The following NUP160 variants were observed in gnomAD, a reference collection of about 807,000 sequenced individuals.
The protein encoded by NUP160 is nuclear pore complex protein Nup160.
Under a neutral mutation model 196.9 loss-of-function variants are expected in NUP160, and 94 were observed. That is an observed-to-expected ratio of 0.48 (90% CI 0.40 to 0.57). The LOEUF is 0.57. NUP160 is among the 20% of genes least tolerant of loss of function. The pLI, the probability that NUP160 is intolerant of heterozygous loss-of-function variation, is 0.00. For missense variants in NUP160, 1,638 were observed against 1,748.3 expected, an observed-to-expected ratio of 0.94 and a Z score of 1.13; for synonymous variants, 605 against 619.7, an observed-to-expected ratio of 0.98 and a Z score of 0.35.
intron 22 of NUP160, among the ~76,000 whole-genome samples, chr11:47,803,235 C>A (rs1294618197): frequency 1.3e-5 from 2 of 151,342 alleles, no homozygotes; most frequent in Admixed American, 1.3e-4. Context: ...TTCTTATGTT[C>A]CTGAGTCCTA....
Position 47,812,054 on chromosome 11 carries a change from C to T in NUP160, c.2241+10G>A. 1 of 1,613,356 alleles carries T rather than the reference C, an allele frequency of 6.2e-7. No homozygotes were observed. Among genetic ancestry groups the T allele is most frequent in the Non-Finnish European group, 8.5e-7 (1 of 1,179,646 alleles). On this transcript the variant is annotated intron_variant, in intron 17 of 35. Transcript: ENST00000378460. ...TAGATTTTACAAGTTTTCCCTCAAG[C>T]AGTACTTACAGCATCTCCAAGCCTC...
At chr11:47,843,952 G>A (rs1225895054) in intron 2 of NUP160, among the ~76,000 whole-genome samples, 1 of 152,056 alleles carries the variant, frequency 6.6e-6, no homozygotes, top group East Asian at 1.9e-4. Context: ...AGAACTCCTG[G>A]ACTCACTGAA....
chr11:47,822,780 T>C (rs1416140303), intron 7 of NUP160, among the ~76,000 whole-genome samples: 1 of 152,178 alleles, frequency 6.6e-6, no homozygotes, highest in Non-Finnish European at 1.5e-5. Flanking sequence ...CCAAGTGTTC[T>C]CATTGTTCAA....
chr11:47,836,918 T>C (rs756148922), exon 6 of NUP160: 5 of 1,612,732 alleles, frequency 3.1e-6, no homozygotes, highest in South Asian at 2.2e-5. Flanking sequence ...TTTATGATCC[T>C]GACACAAAGC....
At chr11:47,784,018 A>C (rs2097663048) in intron 33 of NUP160, among the ~76,000 whole-genome samples, 1 of 150,280 alleles carries the variant, frequency 6.7e-6, no homozygotes, top group Admixed American at 6.7e-5. Flanking sequence ...AAAAAAAAAC[A>C]AAAACAAAAA....
intron 25 of NUP160, 46 bp from the exon 26 acceptor site, chr11:47,798,120 T>G: frequency 1.3e-6 from 2 of 1,546,448 alleles, no homozygotes. Flanking sequence ...CTTAGTAGGT[T>G]AAACAGAGTT....
intron 31 of NUP160, among the ~76,000 whole-genome samples, chr11:47,787,396 C>G (rs1599305285): frequency 6.8e-6 from 1 of 147,066 alleles, no homozygotes; most frequent in African/African-American, 2.5e-5. Flanking sequence ...CTGAAAAATT[C>G]TGAAAGTTCA....
intron 27 of NUP160, chr11:47,796,445 A>G (rs1473946922): frequency 6.6e-6 from 2 of 304,244 alleles, no homozygotes; most frequent in Non-Finnish European, 1.2e-5. Flanking sequence ...GATGTCTTTA[A>G]CTTCCTCCCA....
chr11:47,803,831 T>C (rs2097675861), intron 21 of NUP160, among the ~76,000 whole-genome samples: 1 of 152,132 alleles, frequency 6.6e-6, no homozygotes, highest in Non-Finnish European at 1.5e-5. Context: ...AGGATTTATA[T>C]GAAAACAATA....
intron 7 of NUP160, among the ~76,000 whole-genome samples, chr11:47,830,691 C>T (rs1019000997): frequency 2.0e-5 from 3 of 152,062 alleles, no homozygotes; most frequent in African/African-American, 7.2e-5. Flanking sequence ...AAACAACAAA[C>T]ATTAGGGTCT....
At chr11:47,813,141 A>C (rs1217873437) in intron 14 of NUP160, 94 bp from the exon 15 acceptor site, 2 of 1,062,544 alleles carry the variant, frequency 1.9e-6, no homozygotes, top group Non-Finnish European at 2.7e-6. Flanking sequence ...AATGACAAGA[A>C]ATCTATCTGA....
At chr11:47,827,141 T>G (rs1851984543) in intron 7 of NUP160, 1 of 455,882 alleles carries the variant, frequency 2.2e-6, no homozygotes, top group Non-Finnish European at 4.4e-6. Flanking sequence ...CCGAGGTGGG[T>G]GGACTGCTTG....
intron 11 of NUP160, among the ~76,000 whole-genome samples, chr11:47,817,316 T>C (rs1256253429): frequency 6.6e-6 from 1 of 151,802 alleles, no homozygotes; most frequent in Non-Finnish European, 1.5e-5. Context: ...TGGGCTTCTC[T>C]TATACAATGA....
At chr11:47,817,018 C>T (rs1430945799) in intron 11 of NUP160, among the ~76,000 whole-genome samples, 2 of 150,984 alleles carry the variant, frequency 1.3e-5, no homozygotes, top group African/African-American at 2.4e-5. Flanking sequence ...CTCTGTTTCC[C>T]AGGCTGGAAT....
intron 7 of NUP160, among the ~76,000 whole-genome samples, chr11:47,825,057 G>A (rs1045986996): frequency 8.6e-5 from 13 of 151,972 alleles, no homozygotes; most frequent in South Asian, 4.1e-4. Flanking sequence ...GGATAGTCTC[G>A]ATCTTCTGAC....
chr11:47,840,159 A>G (rs2135402641), intron 3 of NUP160, 94 bp from the exon 4 acceptor site: 1 of 975,252 alleles, frequency 1.0e-6, no homozygotes, highest in East Asian at 2.6e-5. Flanking sequence ...TTAAAGTAAA[A>G]AACTGTCAAG....
chr11:47,815,240 A>T, intron 13 of NUP160: 1 of 332,348 alleles, frequency 3.0e-6, no homozygotes, highest in Non-Finnish European at 5.4e-6. Context: ...AAAAAGAAAA[A>T]GAAATAAATA....
chr11:47,786,312 TA>T, intron 32 of NUP160, 140 bp downstream of exon 32: 1 of 511,774 alleles, frequency 2.0e-6, no homozygotes, highest in African/African-American at 1.9e-5. Context: ...ACCTTAATTA[TA>T]AACTTTCCAG....
At chr11:47,803,349 C>T in intron 22 of NUP160, 89 bp downstream of exon 22, 1 of 770,886 alleles carries the variant, frequency 1.3e-6, no homozygotes, top group East Asian at 2.6e-5. Flanking sequence ...TCTATGTCTC[C>T]CATCCCCTAA....
Sources: gnomAD v4.1 joint callset for allele counts (sites outside exome capture counted in the v4.1 genomes callset) on GRCh38, gnomAD v4.1.1 for gene constraint, MANE v1.5 for transcripts, NCBI Gene and HGNC (gene_info 2026-07-23, HGNC 2026-07-21) for gene names.